SNTB1: variants seen among roughly 807,000 people sequenced by gnomAD.
SNTB1 encodes beta-1-syntrophin.
In SNTB1, 36 loss-of-function variants were observed where a neutral mutation model predicts 48.9. The ratio of observed to expected loss-of-function variants is 0.74; its 90% CI spans 0.56 to 0.97. The LOEUF is 0.97. Ranked by LOEUF, SNTB1 falls within the 50% of genes least tolerant of loss-of-function variation. The pLI, the probability that SNTB1 is intolerant of heterozygous loss-of-function variation, is 0.00. For synonymous variants in SNTB1, 299 were observed against 294.6 expected (o/e 1.01, Z -0.15); for missense variants, 786 against 703.4 (o/e 1.12, Z -1.33).
chr8:120,691,685 T>C (rs1000188017), intron 2 of SNTB1, among the ~76,000 whole-genome samples: 1 of 152,182 alleles, frequency 6.6e-6, no homozygotes, highest in Non-Finnish European at 1.5e-5. Context: ...TTTTTAAATG[T>C]GAAGTTTTTC....
Position 120,548,846 on chromosome 8 carries a change from T to A in SNTB1, c.1249A>T (p.Thr417Ser), listed in dbSNP as rs762326336. ...GIETHLFRAE[T>S]SRDLSHWTRS... Reference sequence around the variant, plus strand: ...GTCCAGTGGGAGAGGTCCCTGCTGGTCTCTGCTCTGAAGAGATGTGTTTCA... The same window carrying A: ...GTCCAGTGGGAGAGGTCCCTGCTGGACTCTGCTCTGAAGAGATGTGTTTCA... The change falls in exon 5 of 7, where the codon ACC (threonine) becomes TCC (serine). Residue 417 changes from threonine to serine, a missense_variant. Physicochemically the swap from Thr to Ser is moderately conservative, Grantham distance 58. Transcript: ENST00000517992. The A allele has an allele frequency of 1.2e-6, 2 of 1,614,050 alleles. No homozygotes were observed. The highest frequency in any genetic ancestry group is 1.7e-5 in the Admixed American group (1 of 60,010).
chr8:120,703,971 C>T (rs1818344635), intron 1 of SNTB1, among the ~76,000 whole-genome samples: 1 of 152,214 alleles, frequency 6.6e-6, no homozygotes, highest in Non-Finnish European at 1.5e-5. Flanking sequence ...GACTTGCCCA[C>T]AGTCACACAG....
intron 1 of SNTB1, among the ~76,000 whole-genome samples, chr8:120,735,758 G>T (rs1268623864): frequency 6.6e-6 from 1 of 152,060 alleles, no homozygotes; most frequent in Non-Finnish European, 1.5e-5. Flanking sequence ...ATTTTGTTTT[G>T]GTAGCCTTGG....
At chr8:120,726,163 C>T (rs1488059269) in intron 1 of SNTB1, among the ~76,000 whole-genome samples, 1 of 152,180 alleles carries the variant, frequency 6.6e-6, no homozygotes, top group Non-Finnish European at 1.5e-5. Context: ...TTTTCCTCAT[C>T]ATTGTTTAAG....
chr8:120,758,816 T>C (rs954370816), intron 1 of SNTB1, among the ~76,000 whole-genome samples: 12 of 152,208 alleles, frequency 7.9e-5, no homozygotes, highest in African/African-American at 2.9e-4. Context: ...AATCTGGACC[T>C]CAGGGAAGTT....
At chr8:120,676,689 A>G (rs2129803191) in intron 2 of SNTB1, among the ~76,000 whole-genome samples, 1 of 152,356 alleles carries the variant, frequency 6.6e-6, no homozygotes, top group East Asian at 1.9e-4. Flanking sequence ...AGGTGGACAG[A>G]GCACAACAGA....
At chr8:120,797,342 T>A (rs1424605607) in intron 1 of SNTB1, among the ~76,000 whole-genome samples, 1 of 151,946 alleles carries the variant, frequency 6.6e-6, no homozygotes, top group Non-Finnish European at 1.5e-5. Flanking sequence ...AAGCAGTAAA[T>A]CCATTTCAAA....
Position 120,705,112 on chromosome 8 carries a change from G to GA in SNTB1, c.572-11205dup, listed in dbSNP as rs567783069. On this transcript the variant is annotated intron_variant, in intron 1 of 6. Coordinates refer to ENST00000517992, the MANE Select transcript of SNTB1 (RefSeq NM_021021.4). ...GGGTAAAGCAAATGATCAGCTTGTT[G>GA]AAAGGCTCAGGAAATAATTAAACCA... 1.2e-3 allele frequency among the ~76,000 whole-genome samples: 179 copies of GA among 152,342 alleles called. 2 individuals carry two copies. Among genetic ancestry groups the GA allele is most frequent in the African/African-American group, 4.0e-3 (165 of 41,568 alleles).
At chr8:120,657,423 G>A (rs1312093423) in intron 2 of SNTB1, among the ~76,000 whole-genome samples, 2 of 152,150 alleles carry the variant, frequency 1.3e-5, no homozygotes, top group Non-Finnish European at 2.9e-5. Flanking sequence ...CTGAAATGAT[G>A]TCTTGAAAGG....
chr8:120,574,909 A>G (rs1489620978), intron 4 of SNTB1, among the ~76,000 whole-genome samples, 177 bp downstream of exon 4: 1 of 152,180 alleles, frequency 6.6e-6, no homozygotes, highest in Admixed American at 6.5e-5. Context: ...TTGTTGCTTC[A>G]TGTTTGGCCA....
intron 5 of SNTB1, among the ~76,000 whole-genome samples, chr8:120,547,592 C>CAAAA (rs11289979): frequency 3.0e-4 from 27 of 89,016 alleles, no homozygotes; most frequent in African/African-American, 3.9e-4. Context: ...AACACTGTCT[C>CAAAA]AAAAAAAAAA....
intron 4 of SNTB1, among the ~76,000 whole-genome samples, chr8:120,558,869 T>C (rs977681678): frequency 6.6e-6 from 1 of 152,208 alleles, no homozygotes; most frequent in Non-Finnish European, 1.5e-5. Flanking sequence ...GAACATAAGT[T>C]TGATCAAGGT....
intron 3 of SNTB1, among the ~76,000 whole-genome samples, chr8:120,586,276 A>C (rs1816138407): frequency 6.6e-6 from 1 of 152,214 alleles, no homozygotes; most frequent in East Asian, 1.9e-4. Flanking sequence ...CCCTATATTT[A>C]AAAGCTAGTG....
At chr8:120,558,775 T>G (rs1815608206) in intron 4 of SNTB1, among the ~76,000 whole-genome samples, 2 of 152,182 alleles carry the variant, frequency 1.3e-5, no homozygotes, top group South Asian at 4.1e-4. Flanking sequence ...GGTGGTGTTG[T>G]GAAAATTAAA....
intron 2 of SNTB1, among the ~76,000 whole-genome samples, chr8:120,633,522 T>G (rs1406026556): frequency 2.6e-5 from 4 of 152,076 alleles, no homozygotes; most frequent in African/African-American, 9.7e-5. Context: ...GGAGAATTGC[T>G]TGAACCCGGG....
intron 1 of SNTB1, among the ~76,000 whole-genome samples, chr8:120,742,625 C>T (rs1563586905): frequency 6.6e-6 from 1 of 152,164 alleles, no homozygotes; most frequent in Non-Finnish European, 1.5e-5. Context: ...GTCATATGGG[C>T]AGTGTTTCAT....
chr8:120,591,907 AGATGATGAT>A (rs995149149), intron 3 of SNTB1, among the ~76,000 whole-genome samples: 2 of 152,132 alleles, frequency 1.3e-5, no homozygotes, highest in Admixed American at 6.5e-5. Flanking sequence ...GCTCAGTTAA[AGATGATGAT>A]GATGATGATA....
intron 3 of SNTB1, among the ~76,000 whole-genome samples, chr8:120,580,041 CT>C (rs931572341): frequency 2.6e-5 from 4 of 152,182 alleles, no homozygotes; most frequent in Admixed American, 6.6e-5. Context: ...TAAATTATTG[CT>C]AGCACCTCCT....
chr8:120,625,787 G>A (rs1816863949), intron 3 of SNTB1, among the ~76,000 whole-genome samples: 1 of 152,128 alleles, frequency 6.6e-6, no homozygotes, highest in African/African-American at 2.4e-5. Flanking sequence ...ATAACCAATA[G>A]TCTTGATTTA....
Sources: gnomAD v4.1 joint callset for allele counts (sites outside exome capture counted in the v4.1 genomes callset) on GRCh38, gnomAD v4.1.1 for gene constraint, MANE v1.5 for transcripts, NCBI Gene and HGNC (gene_info 2026-07-23, HGNC 2026-07-21) for gene names.